The following HIVEP1 variants were observed in gnomAD, a reference collection of about 807,000 sequenced individuals.
HIVEP1 encodes the protein zinc finger protein 40.
A neutral mutation model predicts 180.0 loss-of-function variants in HIVEP1; 36 were observed. The ratio of observed to expected loss-of-function variants is 0.20; its 90% CI spans 0.15 to 0.26. The LOEUF (loss-of-function observed/expected upper bound fraction) is 0.26. Ranked by LOEUF, HIVEP1 falls within the 10% of genes least tolerant of loss-of-function variation. The pLI is 1.00. For missense variants in HIVEP1, 3,143 were observed against 3,268.7 expected, an observed-to-expected ratio of 0.96 and a Z score of 0.94; for synonymous variants, 1,239 against 1,239.0, an observed-to-expected ratio of 1.00 and a Z score of 0.00.
At chr6:12,069,419 C>T (rs949330936) in intron 2 of HIVEP1, among the ~76,000 whole-genome samples, 3 of 151,824 alleles carry the variant, frequency 2.0e-5, no homozygotes, top group Non-Finnish European at 2.9e-5. Flanking sequence ...CATTACTGCA[C>T]GCTACTGTAG....
At chr6:12,187,717 T>C in the HIVEP1 span, among the ~76,000 whole-genome samples, 5 of 151,958 alleles carry the variant, frequency 3.3e-5, no homozygotes, top group African/African-American at 1.2e-4. Context: ...TTCAGCCTCC[T>C]GAGTAGCTGG....
intron 7 of HIVEP1, among the ~76,000 whole-genome samples, chr6:12,142,048 C>T (rs1057224256): frequency 1.3e-5 from 2 of 152,192 alleles, no homozygotes; most frequent in African/African-American, 4.8e-5. Flanking sequence ...GAGACATCTA[C>T]AGAACTCTCC....
At position 12,064,747 on chromosome 6, in the gene HIVEP1, T is replaced by C. The variant is rs146785586; in HGVS notation, c.41-24437T>C. On this transcript the variant is annotated intron_variant, in intron 2 of 8. Coordinates refer to ENST00000379388, the MANE Select transcript of HIVEP1 (RefSeq NM_002114.4). ...TTTTGTGTGTCCCCTCCCCACGCCG[T>C]ACACACACATATTCCCATTACACTT... is the stretch of plus-strand genomic sequence containing the variant. 8.6e-3 allele frequency among the ~76,000 whole-genome samples: 1,303 copies of C among 152,270 alleles called. 24 individuals are homozygous for C. The highest frequency in any genetic ancestry group is 0.03 in the African/African-American group (1,226 of 41,546).
intron 3 of HIVEP1, among the ~76,000 whole-genome samples, chr6:12,104,425 C>CTTTTTTTTTTTTT (rs70981665): frequency 4.8e-4 from 35 of 72,782 alleles, no homozygotes; most frequent in Non-Finnish European, 5.9e-4. Context: ...CTTTTCTTTC[C>CTTTTTTTTTTTTT]TTTTTTTTTT....
chr6:12,167,383 A>T (rs1760730102), downstream of HIVEP1, among the ~76,000 whole-genome samples: 1 of 151,756 alleles, frequency 6.6e-6, no homozygotes, highest in African/African-American at 2.4e-5. Flanking sequence ...TACCAGAAAG[A>T]TGATTTTCAT....
At chr6:12,162,746 C>T (rs775956914) in intron 8 of HIVEP1, among the ~76,000 whole-genome samples, 9 of 152,220 alleles carry the variant, frequency 5.9e-5, no homozygotes, top group Non-Finnish European at 1.2e-4. Flanking sequence ...ATCTGGTTTT[C>T]AGTAGACATT....
intron 2 of HIVEP1, among the ~76,000 whole-genome samples, chr6:12,018,499 T>G (rs1442392783): frequency 6.6e-6 from 1 of 152,160 alleles, no homozygotes; most frequent in African/African-American, 2.4e-5. Context: ...AAAACACAGG[T>G]CTCGAAAGAA....
chr6:12,009,549 T>G (rs1767174834), upstream of HIVEP1, among the ~76,000 whole-genome samples: 1 of 152,180 alleles, frequency 6.6e-6, no homozygotes, highest in African/African-American at 2.4e-5. Flanking sequence ...AGTTTACCAT[T>G]CACATTCATC....
chr6:12,011,911 C>T (rs978096467), upstream of HIVEP1: 1 of 140,060 alleles, frequency 7.1e-6, no homozygotes, highest in Non-Finnish European at 1.6e-5. Context: ...CTCCCCTCCT[C>T]CCGCCCCCGG....
intron 2 of HIVEP1, among the ~76,000 whole-genome samples, chr6:12,073,774 T>C (rs958000792): frequency 6.6e-6 from 1 of 152,188 alleles, no homozygotes; most frequent in African/African-American, 2.4e-5. Context: ...TATTAAAATC[T>C]TGGGGAACCT....
At chr6:12,210,482 G>C in the HIVEP1 span, among the ~76,000 whole-genome samples, 69 of 152,200 alleles carry the variant, frequency 4.5e-4, 1 homozygote, top group Non-Finnish European at 9.7e-4. Context: ...AAAGTTGCTA[G>C]GGTCAATTAT....
intron 3 of HIVEP1, among the ~76,000 whole-genome samples, chr6:12,117,123 C>T (rs1344797054): frequency 1.3e-5 from 2 of 152,068 alleles, no homozygotes; most frequent in African/African-American, 2.4e-5. Flanking sequence ...AATAAAAGAA[C>T]TTTATTCCAA....
chr6:12,067,103 ATC>A (rs1247058243), intron 2 of HIVEP1, among the ~76,000 whole-genome samples: 1 of 152,168 alleles, frequency 6.6e-6, no homozygotes, highest in African/African-American at 2.4e-5. Flanking sequence ...TAGGGAATAT[ATC>A]TCTGAATGTG....
Position 12,161,466 on chromosome 6 carries a change from G to T in HIVEP1, c.6515G>T (p.Arg2172Leu). ...SDEKQRFSYE[R>L]SGYDLEESDG... ...GAAAAACAGAGATTCAGTTATGAGC[G>T]ATCTGGATATGATCTTGAAGAATCT... The change falls in exon 8 of 9, where the codon CGA becomes CTA. Residue 2172 changes from arginine (R) to leucine (L), a missense_variant. Coordinates refer to ENST00000379388, the MANE Select transcript of HIVEP1 (RefSeq NM_002114.4). 3 of 1,613,350 alleles carry T rather than the reference G, an allele frequency of 1.9e-6. No individual in the cohort carries two copies. Among genetic ancestry groups the T allele is most frequent in the Non-Finnish European group, 2.5e-6 (3 of 1,179,360 alleles).
chr6:12,202,303 A>ATT, the HIVEP1 span, among the ~76,000 whole-genome samples: 8 of 150,900 alleles, frequency 5.3e-5, no homozygotes, highest in Non-Finnish European at 7.4e-5. Flanking sequence ...CTATAGGCTA[A>ATT]TTTTTTTTTT....
chr6:12,206,210 T>C, the HIVEP1 span, among the ~76,000 whole-genome samples: 1 of 152,318 alleles, frequency 6.6e-6, no homozygotes, highest in Non-Finnish European at 1.5e-5. Context: ...CTCAGCTCAC[T>C]GCAACCTCCA....
intron 7 of HIVEP1, among the ~76,000 whole-genome samples, chr6:12,147,921 C>G (rs942475695): frequency 6.6e-6 from 1 of 152,188 alleles, no homozygotes; most frequent in African/African-American, 2.4e-5. Context: ...TGGTGTAGAA[C>G]TTTCACCACA....
chr6:12,130,116 G>A lies in HIVEP1; in HGVS notation c.6209+224G>A, dbSNP rs76396911. Among the ~76,000 whole-genome samples, 8 of 152,216 alleles carry A rather than the reference G, an allele frequency of 5.3e-5. No individual in the cohort carries two copies. The East Asian group carries it at 1.5e-3, about 29-fold the overall frequency. On this transcript the variant is annotated intron_variant, in intron 5 of 8. Transcript: ENST00000379388. ...TGGGAAATACTGTACAACCTTGAAG[G>A]CAGCTAAAAACTAAATTATTAGAGT...
At position 12,121,183 on chromosome 6, in the gene HIVEP1, G is replaced by A; in HGVS notation, c.1388G>A (p.Gly463Asp). The A allele has an allele frequency of 6.2e-7, 1 of 1,614,082 alleles. No individual in the cohort carries two copies. The highest frequency in any genetic ancestry group is 1.1e-5 in the South Asian group (1 of 91,072). Residue 463 changes from glycine to aspartate, a missense_variant, in exon 4 of 9, where the codon GGT (glycine) becomes GAT (aspartate). Around this residue, in one of 12 missense-constraint regions of HIVEP1, gnomAD observed 365 missense variants for 344.4 expected, o/e 1.06. Transcript: ENST00000379388. This position sits in a 1 kb window ranked among gnomAD's most constrained non-coding sequence, Gnocchi z 5.3. The part of the protein sequence containing the change: ...KKSHAHTIKL[G>D]LVLQPDAGGL... ...TCCCACGCACATACTATCAAACTGGGTCTTGTCTTGCAACCAGATGCTGGT... is the reference window on the plus strand; with the variant it reads ...TCCCACGCACATACTATCAAACTGGATCTTGTCTTGCAACCAGATGCTGGT...
Sources: gnomAD v4.1 joint callset for allele counts (sites outside exome capture counted in the v4.1 genomes callset) on GRCh38, gnomAD v4.1.1 for gene constraint, gnomAD v4.1.1 regional missense constraint, Gnocchi (gnomAD v3.1) non-coding constraint, MANE v1.5 for transcripts, NCBI Gene and HGNC (gene_info 2026-07-23, HGNC 2026-07-21) for gene names.